The following ZNF385D variants were observed in gnomAD, a reference collection of about 807,000 sequenced individuals.
ZNF385D encodes the protein zinc finger protein 659.
A neutral mutation model predicts 35.8 loss-of-function variants in ZNF385D; 15 were observed. That is an observed-to-expected ratio of 0.42 (90% CI 0.28 to 0.64). The LOEUF is 0.64. Ranked by LOEUF, ZNF385D falls within the 30% of genes least tolerant of loss-of-function variation. The probability of loss-of-function intolerance (pLI) is 0.23; values close to 1 mark genes in which losing one functional copy is unlikely to be tolerated. For synonymous variants in ZNF385D, 212 were observed against 186.8 expected (o/e 1.13, Z -1.10); for missense variants, 474 against 494.6 (o/e 0.96, Z 0.39).
At position 22,106,252 on chromosome 3, in the gene ZNF385D, A is replaced by G. The variant is rs143939331; in HGVS notation, c.325+62565T>C. ...TCATCGACATAATCAGGTTTTTCCC[A>G]GTAACAAACCTATGCCCTTAACACA... On this transcript the variant is annotated intron_variant, in intron 3 of 5. Transcript: ENST00000494108. Among the ~76,000 whole-genome samples the G allele has an allele frequency of 1.6e-3, 248 of 152,278 alleles. 3 individuals carry two copies. The highest frequency in any genetic ancestry group is 5.4e-3 in the African/African-American group (226 of 41,562).
At chr3:22,029,308 A>C (rs2086357) in intron 3 of ZNF385D, among the ~76,000 whole-genome samples, 15,527 of 152,086 alleles carry the variant, frequency 0.1, 1,665 homozygotes, top group African/African-American at 0.27. Context: ...GGAATATAGG[A>C]GATCCATTAG....
intron 2 of ZNF385D, among the ~76,000 whole-genome samples, chr3:21,650,396 C>T (rs1334035333): frequency 6.6e-6 from 1 of 152,012 alleles, no homozygotes; most frequent in African/African-American, 2.4e-5. Context: ...AAGCTAATTT[C>T]CCCTCTCCCT....
At chr3:22,200,039 G>A (rs759208613) in intron 2 of ZNF385D, among the ~76,000 whole-genome samples, 20 of 152,054 alleles carry the variant, frequency 1.3e-4, no homozygotes, top group Non-Finnish European at 2.5e-4. Flanking sequence ...TGGAGACTGT[G>A]TCAGCACAGA....
chr3:21,999,766 C>T (rs941872260), intron 3 of ZNF385D, among the ~76,000 whole-genome samples: 2 of 78,634 alleles, frequency 2.5e-5, no homozygotes, highest in Non-Finnish European at 4.7e-5. Context: ...ATACCCCAGT[C>T]AGGCAAAAAA....
chr3:21,806,052 G>A (rs1023398081), intron 3 of ZNF385D, among the ~76,000 whole-genome samples: 2 of 152,044 alleles, frequency 1.3e-5, no homozygotes, highest in African/African-American at 4.8e-5. Flanking sequence ...CATTTGCTCT[G>A]GGAAATTCAT....
At chr3:21,538,154 G>A (rs1003904901) in intron 3 of ZNF385D, among the ~76,000 whole-genome samples, 1 of 152,068 alleles carries the variant, frequency 6.6e-6, no homozygotes, top group Middle Eastern at 3.2e-3. Context: ...TTGGAGGACT[G>A]AGATGCGGCC....
At chr3:22,105,033 A>C (rs1230257989) in intron 3 of ZNF385D, among the ~76,000 whole-genome samples, 2 of 152,148 alleles carry the variant, frequency 1.3e-5, no homozygotes, top group African/African-American at 4.8e-5. Context: ...ACATGTTTAA[A>C]ATTAAACACT....
chr3:21,803,618 G>C (rs2072506654), intron 3 of ZNF385D, among the ~76,000 whole-genome samples: 1 of 151,982 alleles, frequency 6.6e-6, no homozygotes. Context: ...ATTTGTAATA[G>C]GACATAAAAG....
intron 3 of ZNF385D, among the ~76,000 whole-genome samples, chr3:22,129,225 G>C (rs775213427): frequency 2.0e-5 from 3 of 152,168 alleles, no homozygotes; most frequent in Non-Finnish European, 4.4e-5. Context: ...CCTAGAGCTG[G>C]AGGAGTGGTG....
chr3:22,018,680 T>C (rs1370067218), intron 3 of ZNF385D, among the ~76,000 whole-genome samples: 1 of 152,028 alleles, frequency 6.6e-6, no homozygotes, highest in Non-Finnish European at 1.5e-5. Context: ...CTTTGTTATG[T>C]TGACCTTCTC....
At chr3:22,138,796 C>G (rs1704316223) in intron 3 of ZNF385D, among the ~76,000 whole-genome samples, 1 of 152,052 alleles carries the variant, frequency 6.6e-6, no homozygotes, top group Non-Finnish European at 1.5e-5. Flanking sequence ...GCAATGGCAA[C>G]AAAAGCCAAA....
intron 2 of ZNF385D, among the ~76,000 whole-genome samples, chr3:22,208,454 G>T (rs988598928): frequency 1.9e-4 from 29 of 151,766 alleles, no homozygotes; most frequent in Admixed American, 1.6e-3. Flanking sequence ...GTGTGGGGTG[G>T]GTAGATGGGT....
At position 22,196,064 on chromosome 3, in the gene ZNF385D, C is replaced by T. The variant is rs116672781; in HGVS notation, c.107-27029G>A. On this transcript the variant is annotated intron_variant, in intron 2 of 5. Coordinates refer to the ZNF385D transcript ENST00000494108. ...GGAGGAAGAGGATCAGGAAAAATAA[C>T]GAATGGATAGTAGGCTTAATACCTG... Among the ~76,000 whole-genome samples, 1,015 of 152,072 alleles carry T rather than the reference C, an allele frequency of 6.7e-3. 7 individuals are homozygous for T. The highest frequency in any genetic ancestry group is 0.023 in the African/African-American group (944 of 41,506).
Position 21,465,215 on chromosome 3 carries a change from C to T in ZNF385D, c.440-28012G>A, listed in dbSNP as rs1176259882. On this transcript the variant is annotated intron_variant, in intron 4 of 7. Transcript: ENST00000281523. This position sits in a 1 kb window ranked among gnomAD's most constrained non-coding sequence, Gnocchi z 4.2. ...TTACATATTTTCACTTTTATTTTCA[C>T]ATAGGGAACTACACTTATCTCCAGA... Among the ~76,000 whole-genome samples the T allele has an allele frequency of 1.3e-5, 2 of 152,080 alleles. No individual in the cohort carries two copies. The highest frequency in any genetic ancestry group is 2.9e-5 in the Non-Finnish European group (2 of 68,018).
chr3:21,816,865 T>C (rs1401834857), intron 3 of ZNF385D, among the ~76,000 whole-genome samples: 4 of 152,030 alleles, frequency 2.6e-5, no homozygotes, highest in Non-Finnish European at 5.9e-5. Flanking sequence ...AAAAAGAGCC[T>C]CCATTGCCAA....
intron 3 of ZNF385D, among the ~76,000 whole-genome samples, chr3:21,895,175 A>G (rs1195111979): frequency 6.6e-6 from 1 of 152,054 alleles, no homozygotes; most frequent in Non-Finnish European, 1.5e-5. Context: ...AGGTATTTCT[A>G]TTTGACTGAT....
chr3:22,317,250 G>C (rs1239537857), intron 2 of ZNF385D, among the ~76,000 whole-genome samples: 1 of 108,764 alleles, frequency 9.2e-6, no homozygotes, highest in Non-Finnish European at 1.7e-5. Context: ...GCACACTCCA[G>C]CCTGGGAAAC....
chr3:21,821,562 C>T (rs970475718), intron 3 of ZNF385D, among the ~76,000 whole-genome samples: 1 of 152,160 alleles, frequency 6.6e-6, no homozygotes, highest in African/African-American at 2.4e-5. Context: ...CTTGCATGCA[C>T]ATCTCACATC....
At chr3:21,557,170 C>G (rs71206432) in intron 3 of ZNF385D, among the ~76,000 whole-genome samples, 2 of 152,160 alleles carry the variant, frequency 1.3e-5, no homozygotes, top group Non-Finnish European at 2.9e-5. Context: ...TTTCCCTTGC[C>G]TGATCCCCTG....
Sources: gnomAD v4.1 joint callset for allele counts (sites outside exome capture counted in the v4.1 genomes callset) on GRCh38, gnomAD v4.1.1 for gene constraint, Gnocchi (gnomAD v3.1) non-coding constraint, MANE v1.5 for transcripts, NCBI Gene and HGNC (gene_info 2026-07-23, HGNC 2026-07-21) for gene names.